HDAC2: variants seen among roughly 807,000 people sequenced by gnomAD.
HDAC2 encodes histone deacetylase 2, also known as YY1-associated factor 1.
Under a neutral mutation model 68.5 loss-of-function variants are expected in HDAC2, and 5 were observed. That is an observed-to-expected ratio of 0.07 (90% CI 0.04 to 0.15). HDAC2 has a LOEUF of 0.15. HDAC2 is among the 10% of genes least tolerant of loss of function. HDAC2 has a pLI of 1.00. For missense variants in HDAC2, 291 were observed against 600.8 expected, an observed-to-expected ratio of 0.48 and a Z score of 5.39; for synonymous variants, 182 against 191.3, an observed-to-expected ratio of 0.95 and a Z score of 0.40.
chr6:113,956,200 G>C (rs764870469), intron 4 of HDAC2, 49 bp from the exon 5 acceptor site: 4 of 1,487,192 alleles, frequency 2.7e-6, no homozygotes, highest in Non-Finnish European at 3.6e-6. Context: ...TCATAAAAAA[G>C]TAGTAGAATG....
intron 6 of HDAC2, among the ~76,000 whole-genome samples, chr6:113,952,752 T>C (rs551517966): frequency 6.6e-6 from 1 of 152,188 alleles, no homozygotes; most frequent in South Asian, 2.1e-4. Flanking sequence ...ACAAATAAAA[T>C]AGAAATACAC....
rs575016557 is a variant in HDAC2 at position 113,956,575 on chromosome 6, C to T, written c.358+44G>A. Reference sequence around the variant, plus strand: ...CACAAATAACCCGAAAGATAACACACCAAGTTCAGATCAACTTTTAAATCT... The same window carrying T: ...CACAAATAACCCGAAAGATAACACATCAAGTTCAGATCAACTTTTAAATCT... On this transcript the variant is annotated intron_variant, in intron 4 of 13. Coordinates refer to ENST00000519065, the MANE Select transcript of HDAC2 (RefSeq NM_001527.4). The T allele has an allele frequency of 5.3e-6, 7 of 1,322,944 alleles. No individual in the cohort carries two copies. In the East Asian group the frequency reaches 9.2e-5, roughly 17 times the overall value. 82.0% of individuals were successfully genotyped at this position (1,322,944 alleles called of 1,614,324 possible).
rs1776060759 is a variant in HDAC2 at position 113,938,687 on chromosome 6, G to GTAA, written c.*2370_*2371insTTA. ...ATTTTTTAAAGTATTAGGGTATTCT[G>GTAA]ACATCTTACTATGTTACATTGACCT... On this transcript the variant is annotated 3_prime_UTR_variant, in exon 14 of 14. Coordinates refer to ENST00000519065, the MANE Select transcript of HDAC2 (RefSeq NM_001527.4). 6.6e-6 allele frequency: 1 copy of GTAA among 152,042 alleles called. No homozygotes were observed. The highest frequency in any genetic ancestry group is 1.5e-5 in the Non-Finnish European group (1 of 68,012). 9.4% of individuals were successfully genotyped at this position (152,042 alleles called of 1,614,324 possible).
intron 8 of HDAC2, chr6:113,946,905 G>C (rs558729328): frequency 1.3e-5 from 2 of 152,014 alleles, no homozygotes; most frequent in South Asian, 4.2e-4. Flanking sequence ...AAATTAAAAA[G>C]GGACAATGAA....
rs1341716198 is a variant in HDAC2, at chr6:113,934,777, T to C, written c.*6281A>G. On this transcript the variant is annotated 3_prime_UTR_variant, in exon 14 of 14. Coordinates refer to ENST00000519065, the MANE Select transcript of HDAC2 (RefSeq NM_001527.4). ...AAGGGTGTTTGGCATCAAAAGGGAA[T>C]AGCACAGGAATTATACCTAAGTCCA... 1 of 152,204 alleles carries C rather than the reference T, an allele frequency of 6.6e-6. No homozygotes were observed. The highest frequency in any genetic ancestry group is 1.5e-5 in the Non-Finnish European group (1 of 68,040). The allele number at this position is 152,204 out of a possible 1,614,324, so 9.4% of individuals were successfully genotyped here. A position where few individuals can be genotyped will look rare whatever the true frequency, so the allele number is the denominator to read the frequency against.
Position 113,938,231 on chromosome 6 carries a change from TA to T in HDAC2, c.*2826del, listed in dbSNP as rs1235647465. On this transcript the variant is annotated 3_prime_UTR_variant, in exon 14 of 14. Transcript: ENST00000519065. The stretch of plus-strand genomic sequence containing the variant: ...TCTATAGCTTTTTATTTACTGAGGT[TA>T]AAGATCTTTTCATATTTACAAACTA... The T allele has an allele frequency of 2.0e-5, 3 of 152,242 alleles. No homozygotes were observed. The highest frequency in any genetic ancestry group is 6.5e-5 in the Admixed American group (1 of 15,288). 9.4% of individuals were successfully genotyped at this position (152,242 alleles called of 1,614,324 possible).
chr6:113,965,623 G>A (rs1009160558), intron 1 of HDAC2, among the ~76,000 whole-genome samples: 3 of 152,044 alleles, frequency 2.0e-5, no homozygotes, highest in Admixed American at 6.5e-5. Flanking sequence ...TGCCCGCCTC[G>A]GCTTCCCAAA....
At position 113,936,029 on chromosome 6, in the gene HDAC2, T is replaced by G. The variant is rs1357149378; in HGVS notation, c.*5029A>C. The G allele has an allele frequency of 6.6e-6, 1 of 152,238 alleles. No homozygotes were observed. Among genetic ancestry groups the G allele is most frequent in the African/African-American group, 2.4e-5 (1 of 41,468 alleles). The allele number at this position is 152,238 out of a possible 1,614,324, so 9.4% of individuals were successfully genotyped here. On this transcript the variant is annotated 3_prime_UTR_variant, in exon 14 of 14. Coordinates refer to ENST00000519065, the MANE Select transcript of HDAC2 (RefSeq NM_001527.4). ...ATTCTGGCTCTAATATTCAGTTCCA[T>G]TTTGTCTGACTAGCAAAGTCACAAT...
In HDAC2 at chr6:113,956,883, C is replaced by T. The variant is rs1776566422; in HGVS notation, c.284-190G>A. ...TTATCCAAGGTAATTAAAGTGTTAT[C>T]TGTGAAAGATCATCAAATCTTATCA... On this transcript the variant is annotated intron_variant, in intron 3 of 13. Transcript: ENST00000519065. The T allele has an allele frequency of 1.3e-5, 7 of 523,696 alleles. No individual in the cohort carries two copies. The South Asian group carries it at 1.9e-4, about 14-fold the overall frequency. The allele number at this position is 523,696 out of a possible 1,614,324, so 32.4% of individuals were successfully genotyped here. A position where few individuals can be genotyped will look rare whatever the true frequency, so the allele number is the denominator to read the frequency against.
At chr6:113,950,477 C>T (rs9400685) in intron 6 of HDAC2, among the ~76,000 whole-genome samples, 21,820 of 151,614 alleles carry the variant, frequency 0.14, 1,808 homozygotes, top group East Asian at 0.21. Flanking sequence ...TGAGCCAAGA[C>T]AGCCTCCTAG....
rs1775993252 is a variant in HDAC2, at chr6:113,936,201, G to GA, written c.*4856dup. ...TTTAATCCAATATTGCATTCAAAAA[G>GA]AATCTGTTAATACATGTTGCTCTGC... is the stretch of plus-strand genomic sequence containing the variant. On this transcript the variant is annotated 3_prime_UTR_variant, in exon 14 of 14. Coordinates refer to ENST00000519065, the MANE Select transcript of HDAC2 (RefSeq NM_001527.4). The GA allele has an allele frequency of 6.6e-6, 1 of 152,080 alleles. No homozygotes were observed. Among genetic ancestry groups the GA allele is most frequent in the South Asian group, 2.1e-4 (1 of 4,824 alleles). The allele number at this position is 152,080 out of a possible 1,614,324, so 9.4% of individuals were successfully genotyped here. A position where few individuals can be genotyped will look rare whatever the true frequency, so the allele number is the denominator to read the frequency against.
chr6:113,970,629 G>T, intron 1 of HDAC2: 1 of 1,341,078 alleles, frequency 7.5e-7, no homozygotes, highest in Non-Finnish European at 9.5e-7. Flanking sequence ...GGAGAGGCAG[G>T]AGACAAGACG....
At position 113,941,078 on chromosome 6, in the gene HDAC2, C is replaced by G; in HGVS notation, c.1447G>C (p.Glu483Gln). 1 of 1,609,398 alleles carries G rather than the reference C, an allele frequency of 6.2e-7. No homozygotes were observed. The highest frequency in any genetic ancestry group is 8.5e-7 in the Non-Finnish European group (1 of 1,177,988). ...CAAATTCAGGGGTTGCTGAGCTGTTCTGATTTGGTTCTGTTAAAAGAGGCA... is the reference window on the plus strand; with the variant it reads ...CAAATTCAGGGGTTGCTGAGCTGTTGTGATTTGGTTCTGTTAAAAGAGGCA... ...EKTDTKGTKS[E>Q]QLSNP The change falls in exon 14 of 14, where the codon GAA (glutamate) becomes CAA (glutamine). Residue 483 changes from glutamate to glutamine, a missense_variant. By Grantham distance (29) the Glu-to-Gln change is conservative. This residue lies in a region of HDAC2 where 137 missense variants were observed against 128.7 expected (regional missense o/e 1.06). Coordinates refer to ENST00000519065, the MANE Select transcript of HDAC2 (RefSeq NM_001527.4).
At chr6:113,944,129 C>G in intron 11 of HDAC2, 151 bp downstream of exon 11, 1 of 672,668 alleles carries the variant, frequency 1.5e-6, no homozygotes, top group Non-Finnish European at 2.6e-6. Context: ...GGTTCTGAGA[C>G]ATCAGGAAGC....
intron 8 of HDAC2, 72 bp from the exon 9 acceptor site, chr6:113,946,220 A>C (rs1403560139): frequency 3.1e-6 from 4 of 1,280,180 alleles, no homozygotes; most frequent in Non-Finnish European, 4.4e-6. Context: ...TTTTAAAAAG[A>C]TAATAAGTGC....
At chr6:113,961,263 G>C (rs1776676725) in intron 1 of HDAC2, among the ~76,000 whole-genome samples, 1 of 152,010 alleles carries the variant, frequency 6.6e-6, no homozygotes, top group Admixed American at 6.6e-5. Context: ...TTGTTTAATG[G>C]AAACAACCCC....
At chr6:113,960,359 A>C (rs1030229209) in intron 1 of HDAC2, among the ~76,000 whole-genome samples, 1 of 152,010 alleles carries the variant, frequency 6.6e-6, no homozygotes, top group African/African-American at 2.4e-5. Flanking sequence ...CATGCTTTTA[A>C]GTTCTCTGAG....
At chr6:113,948,868 G>T (rs1029478271) in intron 8 of HDAC2, 111 bp downstream of exon 8, 216 of 1,158,150 alleles carry the variant, frequency 1.9e-4, no homozygotes, top group Non-Finnish European at 2.5e-4. Flanking sequence ...AAAATGCAGA[G>T]TACAGTGTTA....
intron 5 of HDAC2, among the ~76,000 whole-genome samples, chr6:113,954,214 T>C (rs1459332764): frequency 6.6e-6 from 1 of 152,230 alleles, no homozygotes; most frequent in Non-Finnish European, 1.5e-5. Context: ...TTTTGAAGTA[T>C]AGTGAAGTGA....
Sources: gnomAD v4.1 joint callset for allele counts (sites outside exome capture counted in the v4.1 genomes callset) on GRCh38, gnomAD v4.1.1 for gene constraint, gnomAD v4.1.1 regional missense constraint, MANE v1.5 for transcripts, NCBI Gene and HGNC (gene_info 2026-07-23, HGNC 2026-07-21) for gene names.